ZP3: variants seen among roughly 807,000 people sequenced by gnomAD.
ZP3 encodes the protein zona pellucida sperm-binding protein 3.
Under a neutral mutation model 35.6 loss-of-function variants are expected in ZP3, and 21 were observed. That is an observed-to-expected ratio of 0.59 (90% CI 0.42 to 0.85). The LOEUF (loss-of-function observed/expected upper bound fraction) is 0.85, where lower values mean the gene tolerates loss of function less well. ZP3 is among the 40% of genes least tolerant of loss of function. The probability of loss-of-function intolerance (pLI) is 0.00; values close to 1 mark genes in which losing one functional copy is unlikely to be tolerated. For missense variants in ZP3, 437 were observed against 536.5 expected, an observed-to-expected ratio of 0.81 and a Z score of 1.83; for synonymous variants, 207 against 214.5, an observed-to-expected ratio of 0.96 and a Z score of 0.31.
At chr7:76,441,694 G>A (rs1457203966) in intron 7 of ZP3, 148 bp from the exon 8 acceptor site, 3 of 1,286,454 alleles carry the variant, frequency 2.3e-6, no homozygotes, top group Non-Finnish European at 2.2e-6. Context: ...GGCCGAGAAA[G>A]CTGTGTTTTT....
chr7:76,429,998 A>G (rs1805781409), intron 2 of ZP3, among the ~76,000 whole-genome samples: 1 of 152,050 alleles, frequency 6.6e-6, no homozygotes, highest in Non-Finnish European at 1.5e-5. Context: ...TGACAGGTGG[A>G]TCGCTTGAGG....
At chr7:76,400,244 C>T (rs774226297) in intron 1 of ZP3, 1 of 1,431,940 alleles carries the variant, frequency 7.0e-7, no homozygotes. Context: ...CTGCTGCCTG[C>T]CACAGTCTGT....
chr7:76,422,798 G>A (rs1308545013), upstream of ZP3, among the ~76,000 whole-genome samples: 1 of 151,358 alleles, frequency 6.6e-6, no homozygotes, highest in African/African-American at 2.4e-5. Flanking sequence ...CAGAGTTCGA[G>A]ACCAGCCTGG....
chr7:76,435,645 T>C, intron 5 of ZP3, among the ~76,000 whole-genome samples: 1 of 152,268 alleles, frequency 6.6e-6, no homozygotes, highest in Non-Finnish European at 1.5e-5. Flanking sequence ...GGTGTCACAT[T>C]TTGTAACATT....
In ZP3 at chr7:76,429,653, A is replaced by C; in HGVS notation, c.431+20A>C. The C allele has an allele frequency of 1.2e-6, 2 of 1,602,430 alleles. No individual in the cohort carries two copies. The highest frequency in any genetic ancestry group is 2.2e-5 in the East Asian group (1 of 44,646). Reference sequence around the variant, plus strand: ...CCCCAGGTCGGTGTGGGACTGACTCATGGCCCCTGGTGCAAAAGCCCCTTG... The same window carrying C: ...CCCCAGGTCGGTGTGGGACTGACTCCTGGCCCCTGGTGCAAAAGCCCCTTG... On this transcript the variant is annotated intron_variant, in intron 2 of 7. Transcript: ENST00000394857.
At chr7:76,398,512 C>A (rs989094658) in intron 1 of ZP3, among the ~76,000 whole-genome samples, 1 of 152,106 alleles carries the variant, frequency 6.6e-6, no homozygotes, top group Non-Finnish European at 1.5e-5. Context: ...ACCATGTTGG[C>A]CAGTCTGGTC....
chr7:76,405,339 CT>C lies in ZP3; in HGVS notation c.-67+7564del, dbSNP rs1193527373. 7.1e-3 allele frequency among the ~76,000 whole-genome samples: 151 copies of C among 21,352 alleles called. 2 individuals carry two copies. The highest frequency in any genetic ancestry group is 0.021 in the African/African-American group (99 of 4,708). 14.0% of individuals were successfully genotyped at this position (21,352 alleles called of 152,430 possible). A position where few individuals can be genotyped will look rare whatever the true frequency, so the allele number is the denominator to read the frequency against. On this transcript the variant is annotated intron_variant, in intron 1 of 8. Transcript: ENST00000336517. ...TATGTATTTTTTTCTTTCTTTCTTT[CT>C]TTTTTTTTTTTTTTTTTTTTTGGTA... is the stretch of plus-strand genomic sequence containing the variant.
At position 76,437,876 on chromosome 7, in the gene ZP3, C is replaced by T. The variant is rs575483193; in HGVS notation, c.832-2374C>T. On this transcript the variant is annotated intron_variant, in intron 5 of 7. Transcript: ENST00000394857. ...CTCCAGTTAGCACCAGAAAAACATACTAGGAAAAAGCTAAGGATGAAAGTA... is the reference window on the plus strand; with the variant it reads ...CTCCAGTTAGCACCAGAAAAACATATTAGGAAAAAGCTAAGGATGAAAGTA... Among the ~76,000 whole-genome samples, 9 of 152,342 alleles carry T rather than the reference C, an allele frequency of 5.9e-5. No individual in the cohort carries two copies. In the East Asian group the frequency reaches 9.6e-4, roughly 16 times the overall value.
At chr7:76,430,401 G>T (rs577228478) in intron 2 of ZP3, among the ~76,000 whole-genome samples, 1 of 152,226 alleles carries the variant, frequency 6.6e-6, no homozygotes, top group South Asian at 2.1e-4. Context: ...ATGGGGTGCA[G>T]GGGACTTTGT....
intron 1 of ZP3, chr7:76,404,307 C>T (rs767985521): frequency 2.5e-6 from 4 of 1,596,766 alleles, no homozygotes; most frequent in South Asian, 1.1e-5. Context: ...GAGGACTCAC[C>T]CAGTGGCAGG....
At chr7:76,402,566 G>A (rs537176802) in intron 1 of ZP3, among the ~76,000 whole-genome samples, 24 of 152,200 alleles carry the variant, frequency 1.6e-4, no homozygotes, top group African/African-American at 5.3e-4. Context: ...TGATCCTCCC[G>A]TCTCAGCCTC....
chr7:76,412,575 C>T (rs779156594), intron 1 of ZP3, among the ~76,000 whole-genome samples: 4 of 152,138 alleles, frequency 2.6e-5, no homozygotes, highest in African/African-American at 4.8e-5. Context: ...CATTGCTGGG[C>T]GCAGTGGCTC....
intron 1 of ZP3, among the ~76,000 whole-genome samples, chr7:76,406,833 T>C (rs558487331): frequency 6.6e-6 from 1 of 152,184 alleles, no homozygotes; most frequent in African/African-American, 2.4e-5. Flanking sequence ...GGGCCGAGCA[T>C]TGTAAGCAGC....
At chr7:76,427,718 G>A (rs930613244) in intron 1 of ZP3, among the ~76,000 whole-genome samples, 1 of 152,122 alleles carries the variant, frequency 6.6e-6, no homozygotes, top group Non-Finnish European at 1.5e-5. Context: ...CCTGAAGATC[G>A]AGTTTGGTCA....
Position 76,433,035 on chromosome 7 carries a change from GAGA to G in ZP3, c.535+11_535+13del, listed in dbSNP as rs761429959. 55 of 1,610,622 alleles carry G rather than the reference GAGA, an allele frequency of 3.4e-5. No homozygotes were observed. The highest frequency in any genetic ancestry group is 1.6e-4 in the Middle Eastern group (1 of 6,082). ...TCTCTCTGCGTCTGATGGAGGGTAA[GAGA>G]AGAAGGCTGGGTGGGACATCTGTGG... On this transcript the variant is annotated splice_donor_region_variant and intron_variant, in intron 3 of 7. Transcript: ENST00000394857.
chr7:76,432,987 G>A lies in ZP3; in HGVS notation c.492G>A (p.Val164=), dbSNP rs572129555. The A allele has an allele frequency of 1.9e-6, 3 of 1,614,148 alleles. No homozygotes were observed. In the South Asian group the frequency reaches 3.3e-5, roughly 18 times the overall value. The change falls in exon 3 of 8, where the codon GTG becomes GTA. Residue 164 remains valine, a synonymous_variant. Transcript: ENST00000394857. The stretch of plus-strand genomic sequence containing the variant: ...CCTGGTTGCCCTTCAGGACCACGGT[G>A]TTCTCAGAGGAGAAGCTGACTTTCT... The part of the protein sequence containing the change: ...LPTWLPFRTT[V]FSEEKLTFSL...
chr7:76,437,710 G>C (rs1331342788), intron 5 of ZP3, among the ~76,000 whole-genome samples: 2 of 148,226 alleles, frequency 1.3e-5, no homozygotes, highest in African/African-American at 5.0e-5. Context: ...TGTTGGCCAG[G>C]CTGGTCTCAA....
intron 1 of ZP3, among the ~76,000 whole-genome samples, chr7:76,417,099 C>A (rs565675433): frequency 4.0e-5 from 6 of 151,600 alleles, no homozygotes; most frequent in Non-Finnish European, 7.4e-5. Context: ...CTCTTTTTGC[C>A]CAGGCTGGAG....
chr7:76,407,277 C>G (rs1031919554), intron 1 of ZP3, among the ~76,000 whole-genome samples: 1 of 151,958 alleles, frequency 6.6e-6, no homozygotes, highest in Admixed American at 6.6e-5. Context: ...TAAATTAACT[C>G]TAGGCCAAGT....
Sources: gnomAD v4.1 joint callset for allele counts (sites outside exome capture counted in the v4.1 genomes callset) on GRCh38, gnomAD v4.1.1 for gene constraint, MANE v1.5 for transcripts, NCBI Gene and HGNC (gene_info 2026-07-23, HGNC 2026-07-21) for gene names.